OLA1: variants seen among roughly 807,000 people sequenced by gnomAD.
OLA1 encodes Obg like ATPase 1.
OLA1 carries 14 observed loss-of-function variants against 48.4 expected under a neutral mutation model. That is an observed-to-expected ratio of 0.29 (90% CI 0.19 to 0.45). The LOEUF (loss-of-function observed/expected upper bound fraction) is 0.45. Among genes scored for constraint, OLA1 ranks in the 20% least tolerant of loss-of-function variants. The probability of loss-of-function intolerance (pLI) is 1.00; values close to 1 mark genes in which losing one functional copy is unlikely to be tolerated. For missense variants in OLA1, 325 were observed against 467.1 expected, an observed-to-expected ratio of 0.70 and a Z score of 2.80; for synonymous variants, 127 against 150.4, an observed-to-expected ratio of 0.84 and a Z score of 1.14.
chr2:174,129,706 C>A (rs1272688599), intron 5 of OLA1, among the ~76,000 whole-genome samples: 1 of 151,954 alleles, frequency 6.6e-6, no homozygotes, highest in Non-Finnish European at 1.5e-5. Flanking sequence ...AAAATTTTAA[C>A]CAACAAATAT....
chr2:174,203,951 C>T (rs142280162), intron 4 of OLA1, among the ~76,000 whole-genome samples: 2,493 of 151,666 alleles, frequency 0.016, 32 homozygotes, highest in Middle Eastern at 0.041. Flanking sequence ...TGCACCACTG[C>T]GCCCAGCTAA....
At chr2:174,245,893 CA>C (rs1026152785) in intron 2 of OLA1, among the ~76,000 whole-genome samples, 2 of 149,990 alleles carry the variant, frequency 1.3e-5, no homozygotes, top group East Asian at 3.9e-4. Flanking sequence ...GACTCCATCT[CA>C]AAAAAAAAGA....
intron 10 of OLA1, among the ~76,000 whole-genome samples, chr2:174,077,429 T>C (rs1169097430): frequency 6.6e-6 from 1 of 152,132 alleles, no homozygotes; most frequent in Non-Finnish European, 1.5e-5. Context: ...AAGTAAACAT[T>C]TGTTGAATAA....
chr2:174,157,333 G>A lies in OLA1; in HGVS notation c.374-15333C>T, dbSNP rs575231723. Reference sequence around the variant, plus strand: ...ACAGATCAGCATATAATAAAAACAAGAAAGTAAACCCAAGATGAAGGGGAA... The same window carrying A: ...ACAGATCAGCATATAATAAAAACAAAAAAGTAAACCCAAGATGAAGGGGAA... On this transcript the variant is annotated intron_variant, in intron 4 of 10. Coordinates refer to ENST00000284719, the MANE Select transcript of OLA1 (RefSeq NM_013341.5). Among the ~76,000 whole-genome samples, 14 of 152,130 alleles carry A rather than the reference G, an allele frequency of 9.2e-5. 1 individual carries two copies. The South Asian group carries it at 2.5e-3, about 27-fold the overall frequency.
Position 174,229,375 on chromosome 2 carries a change from T to G in OLA1, c.178A>C (p.Asn60His). The G allele has an allele frequency of 6.2e-7, 1 of 1,612,588 alleles. No individual in the cohort carries two copies. Among genetic ancestry groups the G allele is most frequent in the Non-Finnish European group, 8.5e-7 (1 of 1,179,074 alleles). ...ENFPFCTIDP[N>H]ESRVPVPDER... Reference sequence around the variant, plus strand: ...TCTGGCACAGGTACTCTGCTCTCATTAGGATCAATAGTGCAGAACGGGAAG... The same window carrying G: ...TCTGGCACAGGTACTCTGCTCTCATGAGGATCAATAGTGCAGAACGGGAAG... Residue 60 changes from asparagine to histidine, a missense_variant, in exon 3 of 11, where the codon AAT becomes CAT. Physicochemically the swap from Asn to His is moderately conservative, Grantham distance 68. Coordinates refer to ENST00000284719, the MANE Select transcript of OLA1 (RefSeq NM_013341.5).
In OLA1 at chr2:174,169,185, T is replaced by A. The variant is rs143092644; in HGVS notation, c.374-27185A>T. 8.3e-3 allele frequency among the ~76,000 whole-genome samples: 1,262 copies of A among 152,272 alleles called. 18 individuals carry two copies. Among genetic ancestry groups the A allele is most frequent in the African/African-American group, 0.029 (1,198 of 41,548 alleles). ...TGGTCTCGAACTCCTGACCTCATGA[T>A]CTGCCTGCCTTGGCCTCCCAAAGTG... On this transcript the variant is annotated intron_variant, in intron 4 of 10. Coordinates refer to ENST00000284719, the MANE Select transcript of OLA1 (RefSeq NM_013341.5).
intron 4 of OLA1, among the ~76,000 whole-genome samples, chr2:174,214,092 G>T (rs1250977695): frequency 6.6e-6 from 1 of 152,040 alleles, no homozygotes; most frequent in Admixed American, 6.5e-5. Context: ...CAGCACTTTG[G>T]GAGGCCGAGG....
At chr2:174,085,554 G>A (rs1485976468) in intron 7 of OLA1, among the ~76,000 whole-genome samples, 1 of 152,188 alleles carries the variant, frequency 6.6e-6, no homozygotes, top group East Asian at 1.9e-4. Context: ...TGCCAACAAG[G>A]TCGGGGACCG....
At chr2:174,112,177 G>C (rs894784267) in intron 7 of OLA1, among the ~76,000 whole-genome samples, 2 of 152,148 alleles carry the variant, frequency 1.3e-5, no homozygotes, top group African/African-American at 4.8e-5. Flanking sequence ...TACCTTTCCA[G>C]CATCACCAGT....
chr2:174,200,230 T>A (rs192190472), intron 4 of OLA1, among the ~76,000 whole-genome samples: 7 of 152,182 alleles, frequency 4.6e-5, no homozygotes, highest in Admixed American at 2.0e-4. Context: ...ATTTTAAAAG[T>A]TTTAGAGTCT....
chr2:174,163,406 T>G (rs13429841), intron 4 of OLA1, among the ~76,000 whole-genome samples: 80,795 of 151,680 alleles, frequency 0.53, 22,094 homozygotes, highest in East Asian at 0.94. Flanking sequence ...AAAATAAATA[T>G]GCCGGGTGTG....
At chr2:174,148,615 C>G (rs1438230149) in intron 4 of OLA1, among the ~76,000 whole-genome samples, 1 of 152,176 alleles carries the variant, frequency 6.6e-6, no homozygotes, top group African/African-American at 2.4e-5. Context: ...GTACTCTTTT[C>G]AAACCTTCTT....
At chr2:174,216,703 C>A (rs1688368323) in intron 4 of OLA1, among the ~76,000 whole-genome samples, 1 of 151,850 alleles carries the variant, frequency 6.6e-6, no homozygotes, top group Non-Finnish European at 1.5e-5. Flanking sequence ...CAGGTGCACG[C>A]CACAATGCTG....
chr2:174,225,970 G>A lies in OLA1; in HGVS notation c.246-2810C>T, dbSNP rs1327586971. On this transcript the variant is annotated intron_variant, in intron 3 of 10. Coordinates refer to ENST00000284719, the MANE Select transcript of OLA1 (RefSeq NM_013341.5). ...AGCACTTTGGGAGGCCGAGGCGGGC[G>A]GATCACGAGGTCAAGAGATCGAGAC... 4.9e-5 allele frequency among the ~76,000 whole-genome samples: 2 copies of A among 40,676 alleles called. 1 individual carries two copies. The highest frequency in any genetic ancestry group is 1.0e-4 in the Non-Finnish European group (2 of 19,158). 26.7% of individuals were successfully genotyped at this position (40,676 alleles called of 152,430 possible).
chr2:174,223,103 G>T lies in OLA1; in HGVS notation c.303C>A (p.His101Gln). 6.2e-7 allele frequency: 1 copy of T among 1,613,954 alleles called. No individual in the cohort carries two copies. Among genetic ancestry groups the T allele is most frequent in the South Asian group, 1.1e-5 (1 of 91,066 alleles). The change falls in exon 4 of 11, where the codon CAC becomes CAA. Residue 101 changes from histidine to glutamine, a missense_variant. Coordinates refer to ENST00000284719, the MANE Select transcript of OLA1 (RefSeq NM_013341.5). The stretch of plus-strand genomic sequence containing the variant: ...AAGCATTCCCCAGGCCCTGCCCATT[G>T]TGAGCTCCTTTCACAAGGCCAGCAA... ...VDIAGLVKGA[H>Q]NGQGLGNAFL... is the part of the protein sequence containing the mutation.
chr2:174,230,669 G>C (rs1688708458), intron 2 of OLA1, among the ~76,000 whole-genome samples: 1 of 152,098 alleles, frequency 6.6e-6, no homozygotes, highest in Non-Finnish European at 1.5e-5. Context: ...ATACCATGGG[G>C]ATAAAGTCAA....
intron 4 of OLA1, among the ~76,000 whole-genome samples, chr2:174,179,651 GATTTACTAAC>G (rs991322194): frequency 6.6e-6 from 1 of 151,924 alleles, no homozygotes; most frequent in Non-Finnish European, 1.5e-5. Context: ...TTACAAAGCA[GATTTACTAAC>G]ATTTACATAC....
rs896388809 is a variant in OLA1 at position 174,214,176 on chromosome 2, T to C, written c.373+8857A>G. Among the ~76,000 whole-genome samples the C allele has an allele frequency of 1.4e-4, 21 of 151,758 alleles. 1 individual carries two copies. The highest frequency in any genetic ancestry group is 5.1e-4 in the African/African-American group (21 of 41,294). On this transcript the variant is annotated intron_variant, in intron 4 of 10. Coordinates refer to ENST00000284719, the MANE Select transcript of OLA1 (RefSeq NM_013341.5). The stretch of plus-strand genomic sequence containing the variant: ...GGTAAAACCCCGTCTCTACTAAAAA[T>C]TCAAAAATTGGCCAGGCGTGGTGGT...
At chr2:174,157,297 T>C (rs1686910862) in intron 4 of OLA1, among the ~76,000 whole-genome samples, 1 of 152,086 alleles carries the variant, frequency 6.6e-6, no homozygotes, top group African/African-American at 2.4e-5. Flanking sequence ...GATTACAGCC[T>C]AACAGGGGAG....
Sources: allele counts gnomAD v4.1 joint callset (sites outside exome capture counted in the v4.1 genomes callset), GRCh38; gene constraint gnomAD v4.1.1; transcripts MANE v1.5; gene names NCBI Gene and HGNC (gene_info 2026-07-23, HGNC 2026-07-21).